WWP2: variants seen among roughly 807,000 people sequenced by gnomAD.
WWP2 encodes the protein NEDD4-like E3 ubiquitin-protein ligase WWP2.
A neutral mutation model predicts 121.0 loss-of-function variants in WWP2; 57 were observed. The ratio of observed to expected loss-of-function variants is 0.47; its 90% confidence interval spans 0.38 to 0.59. The LOEUF (loss-of-function observed/expected upper bound fraction) is 0.59, where lower values mean the gene tolerates loss of function less well. Ranked by LOEUF, WWP2 falls within the 20% of genes least tolerant of loss-of-function variation. WWP2 has a pLI of 0.00. For synonymous variants in WWP2, 449 were observed against 441.3 expected (o/e 1.02, Z -0.22); for missense variants, 962 against 1,158.9 (o/e 0.83, Z 2.47).
At chr16:69,819,254 C>T (rs918588844) in intron 4 of WWP2, among the ~76,000 whole-genome samples, 3 of 152,220 alleles carry the variant, frequency 2.0e-5, no homozygotes, top group Non-Finnish European at 4.4e-5. Flanking sequence ...GTTCTGAATG[C>T]AGCAGCCAGA....
At chr16:69,891,163 A>T (rs533704915) in intron 8 of WWP2, among the ~76,000 whole-genome samples, 10 of 152,226 alleles carry the variant, frequency 6.6e-5, no homozygotes, top group Non-Finnish European at 1.5e-4. Context: ...TGGTTGGCTG[A>T]TGGAAGCCAG....
chr16:69,916,758 A>G (rs543575855), intron 9 of WWP2, among the ~76,000 whole-genome samples: 2 of 152,182 alleles, frequency 1.3e-5, no homozygotes, highest in Admixed American at 6.5e-5. Context: ...ACAGCTGGTC[A>G]TGAAGGTGAG....
chr16:69,784,091 C>CTTTT (rs61650147), intron 1 of WWP2, among the ~76,000 whole-genome samples: 474 of 60,862 alleles, frequency 7.8e-3, no homozygotes, highest in Middle Eastern at 0.027. Context: ...TTCTTTCTTT[C>CTTTT]TTTTTTTTTT....
chr16:69,778,090 TACACACACACACACAC>T (rs1555544372), intron 1 of WWP2, among the ~76,000 whole-genome samples: 2 of 108,864 alleles, frequency 1.8e-5, no homozygotes, highest in African/African-American at 3.1e-5. Context: ...TATATATATA[TACACACACACACACAC>T]ATGTATATAC....
chr16:69,923,907 C>A (rs2058600407), intron 10 of WWP2, among the ~76,000 whole-genome samples: 1 of 151,468 alleles, frequency 6.6e-6, no homozygotes, highest in Admixed American at 6.6e-5. Flanking sequence ...TCTCCCCCAA[C>A]CCCCCAACAC....
At position 69,797,474 on chromosome 16, in the gene WWP2, A is replaced by G. The variant is rs180763979; in HGVS notation, c.71-1208A>G. On this transcript the variant is annotated intron_variant, in intron 2 of 23. Coordinates refer to ENST00000359154, the MANE Select transcript of WWP2 (RefSeq NM_001270454.2). ...TTCTCCTGGGTAAAATGGGGTGATG[A>G]TATATTCCCTGCCTCATGGGTTTGT... is the stretch of plus-strand genomic sequence containing the variant. 2.0e-3 allele frequency among the ~76,000 whole-genome samples: 302 copies of G among 152,250 alleles called. 2 individuals are homozygous for G. The highest frequency in any genetic ancestry group is 6.8e-3 in the African/African-American group (284 of 41,552).
intron 4 of WWP2, among the ~76,000 whole-genome samples, chr16:69,811,081 T>TG (rs1256103219): frequency 6.6e-6 from 1 of 152,134 alleles, no homozygotes; most frequent in Non-Finnish European, 1.5e-5. Context: ...ATTTTCATGA[T>TG]GCAGCTTCAA....
chr16:69,852,025 T>G (rs2151890490), intron 6 of WWP2, among the ~76,000 whole-genome samples: 1 of 133,928 alleles, frequency 7.5e-6, no homozygotes, highest in South Asian at 2.4e-4. Context: ...TTTAACTTGC[T>G]TGGGTAAATA....
chr16:69,825,727 G>C (rs1274959246), intron 4 of WWP2, among the ~76,000 whole-genome samples: 1 of 150,540 alleles, frequency 6.6e-6, no homozygotes, highest in African/African-American at 2.4e-5. Context: ...CTGGGCTCAA[G>C]TGATCCTCCC....
At chr16:69,802,778 AT>A (rs1329386068) in intron 4 of WWP2, among the ~76,000 whole-genome samples, 1 of 151,512 alleles carries the variant, frequency 6.6e-6, no homozygotes, top group African/African-American at 2.4e-5. Flanking sequence ...TAATTTTTTT[AT>A]TTTTAGTAGA....
intron 8 of WWP2, among the ~76,000 whole-genome samples, chr16:69,904,182 C>T (rs1039702832): frequency 2.0e-5 from 3 of 152,286 alleles, no homozygotes; most frequent in Middle Eastern, 3.4e-3. Flanking sequence ...CCTCTGTTAC[C>T]GAGCAGACAG....
chr16:69,798,591 C>A, intron 2 of WWP2, 91 bp from the exon 3 acceptor site: 3 of 1,385,674 alleles, frequency 2.2e-6, no homozygotes, highest in South Asian at 1.6e-5. Context: ...TTTTTTAAAG[C>A]AATAACTAAA....
chr16:69,793,451 T>C (rs2055956679), intron 2 of WWP2, among the ~76,000 whole-genome samples: 1 of 151,976 alleles, frequency 6.6e-6, no homozygotes, highest in African/African-American at 2.4e-5. Flanking sequence ...GGAGACAGAG[T>C]TATCACTCAG....
intron 4 of WWP2, among the ~76,000 whole-genome samples, chr16:69,826,838 C>CT (rs1320640646): frequency 6.7e-6 from 1 of 150,258 alleles, no homozygotes; most frequent in Admixed American, 6.7e-5. Flanking sequence ...CCTCAGGAGG[C>CT]TGAGGCAGGA....
At chr16:69,804,451 A>G (rs1049925062) in intron 4 of WWP2, among the ~76,000 whole-genome samples, 2 of 152,176 alleles carry the variant, frequency 1.3e-5, no homozygotes, top group Admixed American at 1.3e-4. Context: ...TGAATAATCC[A>G]TCTGTTTCCC....
At chr16:69,872,454 G>T (rs529155607) in intron 7 of WWP2, among the ~76,000 whole-genome samples, 4 of 152,302 alleles carry the variant, frequency 2.6e-5, no homozygotes, top group Admixed American at 2.6e-4. Context: ...CTGACCTTGT[G>T]ATCGCCCGTC....
intron 4 of WWP2, among the ~76,000 whole-genome samples, chr16:69,839,336 T>A (rs1227020222): frequency 6.6e-6 from 1 of 152,214 alleles, no homozygotes; most frequent in Non-Finnish European, 1.5e-5. Flanking sequence ...CAGTGTGGAC[T>A]AAACACTTAA....
At chr16:69,859,154 A>G (rs1009948458) in intron 6 of WWP2, among the ~76,000 whole-genome samples, 1 of 152,356 alleles carries the variant, frequency 6.6e-6, no homozygotes, top group Middle Eastern at 3.4e-3. Flanking sequence ...TCATAAGTCC[A>G]GGATCACACG....
intron 7 of WWP2, among the ~76,000 whole-genome samples, chr16:69,875,157 A>G (rs2057713869): frequency 6.6e-6 from 1 of 152,266 alleles, no homozygotes; most frequent in Admixed American, 6.5e-5. Flanking sequence ...AAAGCAAGTC[A>G]CATGAATTTT....
Sources: allele counts gnomAD v4.1 joint callset (sites outside exome capture counted in the v4.1 genomes callset), GRCh38; gene constraint gnomAD v4.1.1; transcripts MANE v1.5; gene names NCBI Gene and HGNC (gene_info 2026-07-23, HGNC 2026-07-21).